The following USP9X variants were observed in gnomAD, a reference collection of about 807,000 sequenced individuals.
USP9X encodes the protein ubiquitin specific peptidase 9 X-linked.
USP9X carries 7 observed loss-of-function variants against 190.3 expected under a neutral mutation model. That is an observed-to-expected ratio of 0.04 (90% CI 0.02 to 0.07). USP9X has a LOEUF of 0.07. Ranked by LOEUF, USP9X falls within the 10% of genes least tolerant of loss-of-function variation. The probability of loss-of-function intolerance (pLI) is 1.00; values close to 1 mark genes in which losing one functional copy is unlikely to be tolerated. For missense variants in USP9X, 1,010 were observed against 1,916.9 expected (o/e 0.53, Z 8.83); for synonymous variants, 645 against 659.5 (o/e 0.98, Z 0.34).
intron 11 of USP9X, 143 bp from the exon 12 acceptor site, chrX:41,148,226 T>A: frequency 1.7e-6 from 1 of 586,569 alleles, no homozygotes; most frequent in Non-Finnish European, 2.6e-6. Flanking sequence ...AATACCAGGC[T>A]AACTATATTT....
At chrX:41,098,375 A>G (rs375593323) in intron 1 of USP9X, among the ~76,000 whole-genome samples, 3 of 109,176 alleles carry the variant, frequency 2.7e-5, no homozygotes, top group East Asian at 2.9e-4. Flanking sequence ...GCTGACCTCA[A>G]GTGATCTGTC....
intron 33 of USP9X, among the ~76,000 whole-genome samples, chrX:41,213,267 A>T (rs185809139): frequency 1.3e-3 from 142 of 111,396 alleles, no homozygotes; most frequent in African/African-American, 4.2e-3. Flanking sequence ...ACTACATTCC[A>T]GCCTGGGTGA....
chrX:41,210,382 A>T, intron 32 of USP9X, 127 bp from the exon 33 acceptor site: 1 of 649,046 alleles, frequency 1.5e-6, no homozygotes, highest in Non-Finnish European at 2.4e-6. Context: ...GTAATTGAGG[A>T]ATAAAATCTC....
chrX:41,180,221 A>G (rs1465252404), intron 21 of USP9X, among the ~76,000 whole-genome samples: 2 of 112,647 alleles, frequency 1.8e-5, no homozygotes, highest in Non-Finnish European at 3.7e-5. Flanking sequence ...CTCAAAAGAT[A>G]TATTTCATTC....
At chrX:41,167,670 CT>C (rs1201737989) in intron 17 of USP9X, 93 bp downstream of exon 17, 9 of 639,435 alleles carry the variant, frequency 1.4e-5, no homozygotes, top group Non-Finnish European at 1.9e-5. Flanking sequence ...CTAAATGAAT[CT>C]TGCCTTGTTA....
At chrX:41,149,176 A>G (rs1052260007) in intron 12 of USP9X, among the ~76,000 whole-genome samples, 3 of 111,986 alleles carry the variant, frequency 2.7e-5, no homozygotes, top group African/African-American at 9.8e-5. Context: ...GGTTTTGACT[A>G]TGTTTACTTG....
intron 21 of USP9X, among the ~76,000 whole-genome samples, chrX:41,173,237 T>C (rs914514724): frequency 9.0e-6 from 1 of 111,676 alleles, no homozygotes; most frequent in African/African-American, 3.3e-5. Context: ...TTCAAGACCT[T>C]TGTCTCCTTA....
chrX:41,132,763 T>A (rs1252441439), intron 4 of USP9X, among the ~76,000 whole-genome samples: 2 of 108,308 alleles, frequency 1.8e-5, no homozygotes, highest in East Asian at 2.9e-4. Flanking sequence ...TTTTTTTTTT[T>A]ATTAATACAC....
At chrX:41,206,772 TA>T (rs1201386689) in intron 32 of USP9X, among the ~76,000 whole-genome samples, 3 of 109,546 alleles carry the variant, frequency 2.7e-5, no homozygotes, top group Non-Finnish European at 5.7e-5. Flanking sequence ...TTATTATATA[TA>T]TACAATTTTT....
At position 41,125,643 on chromosome X, in the gene USP9X, AACAC is replaced by A. The variant is rs748348083; in HGVS notation, c.96+1958_96+1961del. On this transcript the variant is annotated intron_variant, in intron 2 of 44. Coordinates refer to ENST00000378308, the MANE Select transcript of USP9X (RefSeq NM_001039591.3). ...TCCCTCCCCCCACACCCCTCCCGCC[AACAC>A]ACACACACACACACACACACACACA... is the stretch of plus-strand genomic sequence containing the variant. Among the ~76,000 whole-genome samples, 56 of 27,697 alleles carry A rather than the reference AACAC, an allele frequency of 2.0e-3. 1 individual carries two copies. The highest frequency in any genetic ancestry group is 8.4e-3 in the South Asian group (3 of 358). The allele number at this position is 27,697 out of a possible 115,157, so 24.1% of individuals were successfully genotyped here. A position where few individuals can be genotyped will look rare whatever the true frequency, so the allele number is the denominator to read the frequency against.
chrX:41,153,991 A>G (rs1275313346), intron 14 of USP9X, among the ~76,000 whole-genome samples: 11 of 112,073 alleles, frequency 9.8e-5, no homozygotes, highest in Non-Finnish European at 2.1e-4. Flanking sequence ...ATTATTGAAT[A>G]AAATCCCCTC....
At chrX:41,159,946 A>T (rs1408768004) in intron 14 of USP9X, among the ~76,000 whole-genome samples, 2 of 111,445 alleles carry the variant, frequency 1.8e-5, no homozygotes, top group Non-Finnish European at 3.8e-5. Context: ...GATGATGATT[A>T]TACAACTGTA....
At chrX:41,219,854 A>G (rs1291254033) in intron 38 of USP9X, among the ~76,000 whole-genome samples, 1 of 111,366 alleles carries the variant, frequency 9.0e-6, no homozygotes, top group East Asian at 2.8e-4. Context: ...ATGTAGTGGC[A>G]TATGCCTGTA....
At chrX:41,107,896 CT>C (rs957686678) in intron 1 of USP9X, among the ~76,000 whole-genome samples, 1 of 111,811 alleles carries the variant, frequency 8.9e-6, no homozygotes, top group African/African-American at 3.3e-5. Context: ...TCATATTTTA[CT>C]TCTTTAAGCA....
intron 6 of USP9X, 40 bp downstream of exon 6, chrX:41,137,062 T>A (rs1468969790): frequency 9.1e-7 from 1 of 1,100,285 alleles, no homozygotes; most frequent in Non-Finnish European, 1.2e-6. Flanking sequence ...ATAATACAAT[T>A]GTTTTGTTCT....
chrX:41,128,562 C>T (rs764249867), intron 2 of USP9X, among the ~76,000 whole-genome samples: 14 of 111,890 alleles, frequency 1.3e-4, no homozygotes, highest in Non-Finnish European at 2.6e-4. Context: ...GCAGTTGTCC[C>T]TTAGTATTCA....
intron 38 of USP9X, among the ~76,000 whole-genome samples, chrX:41,222,116 A>G (rs2063268799): frequency 8.9e-6 from 1 of 111,887 alleles, no homozygotes; most frequent in African/African-American, 3.2e-5. Context: ...TGACACCCAA[A>G]TGGAGATATA....
At chrX:41,224,710 A>G (rs772031860) in intron 39 of USP9X, 32 bp from the exon 40 acceptor site, 2 of 1,073,688 alleles carry the variant, frequency 1.9e-6, no homozygotes, top group African/African-American at 3.7e-5. Flanking sequence ...GAAGCTTATT[A>G]GTTTTTTATT....
At chrX:41,107,817 C>T (rs1180518291) in intron 1 of USP9X, among the ~76,000 whole-genome samples, 3 of 111,878 alleles carry the variant, frequency 2.7e-5, no homozygotes, top group African/African-American at 9.8e-5. Flanking sequence ...TTGTACTTTT[C>T]AACACCAGAA....
Sources: allele counts gnomAD v4.1 joint callset (sites outside exome capture counted in the v4.1 genomes callset), GRCh38; gene constraint gnomAD v4.1.1; transcripts MANE v1.5; gene names NCBI Gene and HGNC (gene_info 2026-07-23, HGNC 2026-07-21).